MYO5B: variants seen among roughly 807,000 people sequenced by gnomAD.
MYO5B encodes the protein myosin VB, also known as unconventional myosin-Vb.
Under a neutral mutation model 229.3 loss-of-function variants are expected in MYO5B, and 143 were observed. The observed-to-expected ratio is 0.62, with a 90% confidence interval of 0.54 to 0.72. MYO5B has a LOEUF of 0.72. MYO5B is among the 30% of genes least tolerant of loss of function. MYO5B has a pLI of 0.00. For missense variants in MYO5B, 2,321 were observed against 2,331.0 expected (o/e 1.00, Z 0.09); for synonymous variants, 918 against 885.2 (o/e 1.04, Z -0.66).
chr18:50,181,097 G>A (rs1208333287), intron 1 of MYO5B, among the ~76,000 whole-genome samples: 2 of 152,194 alleles, frequency 1.3e-5, no homozygotes, highest in African/African-American at 4.8e-5. Context: ...GAAATTAGGT[G>A]CAATGGGCTT....
At chr18:49,972,576 C>T (rs1261667447) in intron 10 of MYO5B, among the ~76,000 whole-genome samples, 1 of 152,198 alleles carries the variant, frequency 6.6e-6, no homozygotes, top group African/African-American at 2.4e-5. Context: ...TATCCTTCTA[C>T]AAGTGGATTA....
intron 1 of MYO5B, among the ~76,000 whole-genome samples, chr18:50,103,313 T>C (rs1315557599): frequency 6.6e-6 from 1 of 152,052 alleles, no homozygotes; most frequent in Non-Finnish European, 1.5e-5. Context: ...ACCTAAACTA[T>C]GGAGGCTGGG....
At chr18:50,001,186 C>G in intron 5 of MYO5B, 69 bp downstream of exon 5, 4 of 1,600,522 alleles carry the variant, frequency 2.5e-6, no homozygotes, top group Non-Finnish European at 3.4e-6. Context: ...CCAGGCTTGA[C>G]GCCCAGCAGT....
intron 35 of MYO5B, 177 bp from the exon 36 acceptor site, chr18:49,839,471 CTTGAACTTGAAGGATG>C: frequency 1.5e-6 from 1 of 684,110 alleles, no homozygotes; most frequent in Non-Finnish European, 2.6e-6. Context: ...ATTGATGACC[CTTGAACTTGAAGGATG>C]TAGAAAAACT....
intron 17 of MYO5B, among the ~76,000 whole-genome samples, chr18:49,917,951 G>C (rs1050542724): frequency 2.6e-5 from 4 of 152,192 alleles, no homozygotes; most frequent in African/African-American, 7.2e-5. Context: ...TAGGAAGAGG[G>C]AGAGATCAGA....
chr18:50,054,411 CATA>C (rs2030487438), intron 2 of MYO5B, among the ~76,000 whole-genome samples: 1 of 152,202 alleles, frequency 6.6e-6, no homozygotes, highest in Admixed American at 6.5e-5. Flanking sequence ...TGCCATTTAT[CATA>C]ATACTTTGTC....
chr18:50,052,597 C>A (rs2030425972), intron 2 of MYO5B, among the ~76,000 whole-genome samples: 1 of 148,270 alleles, frequency 6.7e-6, no homozygotes, highest in Non-Finnish European at 1.5e-5. Context: ...GGAGATATAC[C>A]TAATGCTAAT....
At chr18:49,886,271 A>G (rs568988815) in intron 22 of MYO5B, among the ~76,000 whole-genome samples, 1 of 152,252 alleles carries the variant, frequency 6.6e-6, no homozygotes, top group East Asian at 1.9e-4. Flanking sequence ...AACCCCTTCA[A>G]ATTTAAGGAG....
chr18:50,027,125 G>T (rs4281815), intron 4 of MYO5B, among the ~76,000 whole-genome samples: 122,616 of 152,254 alleles, frequency 0.81, 49,605 homozygotes, highest in Admixed American at 0.86. Context: ...ATTACTACGA[G>T]GTAAATAGCA....
chr18:49,992,265 A>G (rs955226680), intron 6 of MYO5B, 23 bp downstream of exon 6: 4 of 1,614,130 alleles, frequency 2.5e-6, no homozygotes, highest in Non-Finnish European at 3.4e-6. Context: ...AATACACAAA[A>G]GGGCGCAAAT....
chr18:49,921,544 T>G (rs1568031741), intron 17 of MYO5B, among the ~76,000 whole-genome samples: 1 of 152,330 alleles, frequency 6.6e-6, no homozygotes, highest in South Asian at 2.1e-4. Flanking sequence ...TGACACATTT[T>G]CATTTTAAAT....
At chr18:49,892,940 A>G (rs568461414) in intron 22 of MYO5B, among the ~76,000 whole-genome samples, 1 of 152,270 alleles carries the variant, frequency 6.6e-6, no homozygotes, top group East Asian at 1.9e-4. Flanking sequence ...TTTGTTACCA[A>G]TTCCAAGCTC....
chr18:49,880,442 A>T lies in MYO5B; in HGVS notation c.3059T>A (p.Leu1020Gln). The change falls in exon 23 of 40, where the codon CTG becomes CAG. Residue 1020 changes from leucine (L) to glutamine (Q), a missense_variant. Physicochemically the swap from Leu to Gln is moderately radical, Grantham distance 113. Coordinates refer to ENST00000285039, the MANE Select transcript of MYO5B (RefSeq NM_001080467.3). ...TTTCAAGAGAGCATTTTCTTGCTCCAGGTCTGCAACTCGCTGGAAGAGAGC... is the reference window on the plus strand; with the variant it reads ...TTTCAAGAGAGCATTTTCTTGCTCCTGGTCTGCAACTCGCTGGAAGAGAGC... Reference protein sequence around the residue: ...KDELRKRVADLEQENALLKDE... With the variant: ...KDELRKRVADQEQENALLKDE... The T allele has an allele frequency of 6.2e-7, 1 of 1,614,068 alleles. No homozygotes were observed. Among genetic ancestry groups the T allele is most frequent in the Non-Finnish European group, 8.5e-7 (1 of 1,179,918 alleles).
At position 49,826,639 on chromosome 18, in the gene MYO5B, A is replaced by T; in HGVS notation, c.5395-16T>A. On this transcript the variant is annotated splice_polypyrimidine_tract_variant and intron_variant, in intron 39 of 39. Coordinates refer to ENST00000285039, the MANE Select transcript of MYO5B (RefSeq NM_001080467.3). Reference sequence around the variant, plus strand: ...GTAGTTGTGCCTATGGGGAAGAATAAGACCATGTAAAGTTTGAGTACCCCT... The same window carrying T: ...GTAGTTGTGCCTATGGGGAAGAATATGACCATGTAAAGTTTGAGTACCCCT... 6.2e-7 allele frequency: 1 copy of T among 1,612,400 alleles called. No homozygotes were observed. Among genetic ancestry groups the T allele is most frequent in the Non-Finnish European group, 8.5e-7 (1 of 1,179,736 alleles).
intron 1 of MYO5B, among the ~76,000 whole-genome samples, chr18:50,065,783 T>C (rs2030805820): frequency 6.6e-6 from 1 of 152,178 alleles, no homozygotes; most frequent in African/African-American, 2.4e-5. Flanking sequence ...CCCAACCCAC[T>C]GTGGGTCATC....
At chr18:49,851,876 A>G (rs972690956) in intron 31 of MYO5B, among the ~76,000 whole-genome samples, 4 of 152,232 alleles carry the variant, frequency 2.6e-5, no homozygotes, top group African/African-American at 9.6e-5. Flanking sequence ...CATCACCAAC[A>G]GCCCCTGGAA....
intron 5 of MYO5B, among the ~76,000 whole-genome samples, chr18:49,997,833 T>G (rs1228501312): frequency 6.6e-6 from 1 of 152,162 alleles, no homozygotes; most frequent in Non-Finnish European, 1.5e-5. Context: ...TGTCTGCAGC[T>G]GCTGGGCAGC....
At position 49,984,734 on chromosome 18, in the gene MYO5B, T is replaced by C. The variant is rs1455286901; in HGVS notation, c.930A>G (p.Gln310=). 6.2e-7 allele frequency: 1 copy of C among 1,611,706 alleles called. No individual in the cohort carries two copies. Among genetic ancestry groups the C allele is most frequent in the Non-Finnish European group, 8.5e-7 (1 of 1,177,900 alleles). The change falls in exon 8 of 40, where the codon CAA becomes CAG. Residue 310 remains glutamine (Q), a synonymous_variant. Transcript: ENST00000285039. The stretch of plus-strand genomic sequence containing the variant: ...GCTCCTTACCGAGGAGTGTGAAGGC[T>C]TGTCGAGTCTTCTCAAAGTCCTCAG... ...DDAEDFEKTR[Q]AFTLLGVKES... is the part of the protein sequence containing the mutation.
At chr18:49,897,659 A>T (rs1161022980) in intron 21 of MYO5B, among the ~76,000 whole-genome samples, 2 of 152,248 alleles carry the variant, frequency 1.3e-5, no homozygotes, top group Non-Finnish European at 2.9e-5. Context: ...TTTTAAGCTA[A>T]GCCTTATTAC....
Sources: gnomAD v4.1 joint callset for allele counts (sites outside exome capture counted in the v4.1 genomes callset) on GRCh38, gnomAD v4.1.1 for gene constraint, MANE v1.5 for transcripts, NCBI Gene and HGNC (gene_info 2026-07-23, HGNC 2026-07-21) for gene names.